Variants in C10orf143 observed in about 807,000 individuals in gnomAD.
C10orf143 encodes uncharacterized protein C10orf143.
At chr10:130,102,676 C>G (rs1173290627) in intron 1 of C10orf143, among the ~76,000 whole-genome samples, 2 of 152,272 alleles carry the variant, frequency 1.3e-5, no homozygotes, top group East Asian at 3.9e-4. Flanking sequence ...GTGGATTTGC[C>G]TATTTTTCCT....
chr10:130,110,690 C>T lies in C10orf143; in HGVS notation c.69+14G>A, dbSNP rs1564975092. The T allele has an allele frequency of 5.0e-6, 2 of 398,666 alleles. No individual in the cohort carries two copies. Among genetic ancestry groups the T allele is most frequent in the Non-Finnish European group, 8.8e-6 (2 of 226,024 alleles). The allele number at this position is 398,666 out of a possible 1,614,324, so 24.7% of individuals were successfully genotyped here. A position where few individuals can be genotyped will look rare whatever the true frequency, so the allele number is the denominator to read the frequency against. ...CGCCCTCCCGTCCCTAACGCCCAGG[C>T]CCCGGGGGCTCACCACGTCCCCCGG... On this transcript the variant is annotated intron_variant, in intron 1 of 3. Coordinates refer to ENST00000637128, the MANE Select transcript of C10orf143 (RefSeq NM_001355042.2).
At chr10:130,090,483 C>G (rs954317120) in intron 1 of C10orf143, among the ~76,000 whole-genome samples, 1 of 152,122 alleles carries the variant, frequency 6.6e-6, no homozygotes. Flanking sequence ...CAAAACTGGG[C>G]GGCCATTTGG....
At chr10:130,050,501 A>T (rs1040533028) in intron 3 of C10orf143, among the ~76,000 whole-genome samples, 1 of 152,240 alleles carries the variant, frequency 6.6e-6, no homozygotes. Context: ...TCCAGCCTAG[A>T]TAACGGAGCA....
At chr10:130,057,646 G>A (rs1030750417) in intron 3 of C10orf143, among the ~76,000 whole-genome samples, 3 of 152,032 alleles carry the variant, frequency 2.0e-5, no homozygotes, top group Non-Finnish European at 2.9e-5. Flanking sequence ...GGGGAAGGGG[G>A]CTTCACAACA....
chr10:130,087,452 C>A (rs535430021), intron 1 of C10orf143, among the ~76,000 whole-genome samples: 2 of 152,234 alleles, frequency 1.3e-5, no homozygotes, highest in African/African-American at 4.8e-5. Context: ...AGGAGCGTGG[C>A]CGAGAAATAG....
intron 3 of C10orf143, 69 bp from the exon 4 acceptor site, chr10:130,064,452 T>C: frequency 5.0e-6 from 2 of 398,254 alleles, no homozygotes; most frequent in East Asian, 3.6e-5. Context: ...CTTGGCTATA[T>C]ATACATTTGC....
At chr10:130,054,481 A>C (rs1860774312) in intron 3 of C10orf143, among the ~76,000 whole-genome samples, 1 of 152,250 alleles carries the variant, frequency 6.6e-6, no homozygotes, top group Admixed American at 6.5e-5. Context: ...TACAATGAAC[A>C]AAGGAGTGCT....
rs1266674965 is a variant in C10orf143 at position 130,101,856 on chromosome 10, AAAAAAAACC to A, written c.69+8839_69+8847del. ...CAGAGGGAGACTCTGTCTCAAAAAA[AAAAAAAACC>A]AAAAAAAAAAAAAAAAAAAACTTTT... is the stretch of plus-strand genomic sequence containing the variant. On this transcript the variant is annotated intron_variant, in intron 1 of 3. Coordinates refer to ENST00000637128, the MANE Select transcript of C10orf143 (RefSeq NM_001355042.2). Among the ~76,000 whole-genome samples, 166 of 32,914 alleles carry A rather than the reference AAAAAAAACC, an allele frequency of 5.0e-3. 22 individuals are homozygous for A. The highest frequency in any genetic ancestry group is 0.013 in the African/African-American group (114 of 8,738). The allele number at this position is 32,914 out of a possible 152,430, so 21.6% of individuals were successfully genotyped here.
chr10:130,043,037 A>C (rs1051184024), intron 3 of C10orf143, among the ~76,000 whole-genome samples: 1 of 152,230 alleles, frequency 6.6e-6, no homozygotes, highest in Non-Finnish European at 1.5e-5. Flanking sequence ...GCTGATGCTC[A>C]CTGCAGCTGG....
chr10:130,038,972 C>G (rs1589999706), intron 3 of C10orf143, among the ~76,000 whole-genome samples: 2 of 152,176 alleles, frequency 1.3e-5, no homozygotes, highest in Non-Finnish European at 2.9e-5. Flanking sequence ...TGTGTGGAGC[C>G]ACCGCTCTTC....
chr10:130,103,769 C>G lies in C10orf143; in HGVS notation c.69+6935G>C, dbSNP rs552315541. Among the ~76,000 whole-genome samples, 10 of 151,896 alleles carry G rather than the reference C, an allele frequency of 6.6e-5. No individual in the cohort carries two copies. In the East Asian group the frequency reaches 1.9e-3, roughly 29 times the overall value. On this transcript the variant is annotated intron_variant, in intron 1 of 3. Transcript: ENST00000637128. ...AGGCTGCAGTGAGCCATCATCGCTC[C>G]ACTGCACTGCAACCTGGGCAACAGA...
At chr10:130,040,562 A>G (rs1311467573) in intron 3 of C10orf143, among the ~76,000 whole-genome samples, 2 of 152,194 alleles carry the variant, frequency 1.3e-5, no homozygotes, top group African/African-American at 4.8e-5. Context: ...AGAGAGTAGA[A>G]TGGGACGGCG....
At chr10:130,070,809 T>G (rs187966783) in intron 3 of C10orf143, among the ~76,000 whole-genome samples, 1 of 152,244 alleles carries the variant, frequency 6.6e-6, no homozygotes. Flanking sequence ...CACTGCTCTC[T>G]GTAACACTTC....
At position 130,096,577 on chromosome 10, in the gene C10orf143, G is replaced by A. The variant is rs1040328186; in HGVS notation, c.69+14127C>T. Reference sequence around the variant, plus strand: ...CAATGACAGACTGGATAAATTCTTGGCAAACTAACACAGGAACAGAAAACC... The same window carrying A: ...CAATGACAGACTGGATAAATTCTTGACAAACTAACACAGGAACAGAAAACC... On this transcript the variant is annotated intron_variant, in intron 1 of 3. Coordinates refer to ENST00000637128, the MANE Select transcript of C10orf143 (RefSeq NM_001355042.2). Among the ~76,000 whole-genome samples the A allele has an allele frequency of 5.1e-5, 6 of 117,960 alleles. 1 individual carries two copies. The highest frequency in any genetic ancestry group is 1.8e-4 in the African/African-American group (6 of 33,370). 77.4% of individuals were successfully genotyped at this position (117,960 alleles called of 152,430 possible). A position where few individuals can be genotyped will look rare whatever the true frequency, so the allele number is the denominator to read the frequency against.
Position 130,078,818 on chromosome 10 carries a change from C to T in C10orf143, c.297+748G>A, listed in dbSNP as rs115671559. Among the ~76,000 whole-genome samples the T allele has an allele frequency of 1.5e-3, 225 of 152,242 alleles. 1 individual carries two copies. The highest frequency in any genetic ancestry group is 6.8e-3 in the Middle Eastern group (2 of 294). ...TTATCAAAAACAGCAATACATTTCT[C>T]TAAAGATCTTTAGGGGGCAATCTCA... On this transcript the variant is annotated intron_variant, in intron 3 of 3. Transcript: ENST00000637128.
chr10:130,075,642 T>A (rs1861103566), intron 3 of C10orf143, among the ~76,000 whole-genome samples: 1 of 152,138 alleles, frequency 6.6e-6, no homozygotes, highest in African/African-American at 2.4e-5. Context: ...CCAAATCTCA[T>A]CTGGAATTAT....
At chr10:130,106,379 T>A in intron 1 of C10orf143, 1 of 1,602,474 alleles carries the variant, frequency 6.2e-7, no homozygotes, top group Non-Finnish European at 8.5e-7. Flanking sequence ...AGCGTCATCG[T>A]TAGAGGATGC....
intron 3 of C10orf143, among the ~76,000 whole-genome samples, chr10:130,053,650 G>A (rs1002010179): frequency 6.6e-6 from 1 of 152,184 alleles, no homozygotes; most frequent in Non-Finnish European, 1.5e-5. Context: ...GCAGTTTGCG[G>A]GTAGCACAGC....
intron 1 of C10orf143, among the ~76,000 whole-genome samples, chr10:130,091,668 GA>G (rs1199637719): frequency 2.0e-5 from 3 of 152,224 alleles, no homozygotes; most frequent in East Asian, 3.9e-4. Context: ...TAAGAACCTT[GA>G]AAAAAGTTAG....
Sources: gnomAD v4.1 joint callset for allele counts (sites outside exome capture counted in the v4.1 genomes callset) on GRCh38, gnomAD v4.1.1 for gene constraint, MANE v1.5 for transcripts, NCBI Gene and HGNC (gene_info 2026-07-23, HGNC 2026-07-21) for gene names.